Variants in DPH6 observed in about 807,000 individuals in gnomAD.
DPH6 encodes diphthamine biosynthesis 6, also known as diphthine--ammonia ligase.
In DPH6, 33 loss-of-function variants were observed where a neutral mutation model predicts 38.2. The observed-to-expected ratio is 0.86, with a 90% CI of 0.65 to 1.15. The LOEUF (loss-of-function observed/expected upper bound fraction) is 1.15. DPH6 is among the 50% of genes most tolerant of loss of function. DPH6 has a pLI of 0.00. For missense variants in DPH6, 325 were observed against 320.0 expected (o/e 1.02, Z -0.12); for synonymous variants, 108 against 103.0 (o/e 1.05, Z -0.30).
chr15:35,231,196 C>G (rs539054611), intron 3 of DPH6, among the ~76,000 whole-genome samples: 2 of 152,358 alleles, frequency 1.3e-5, no homozygotes, highest in South Asian at 4.1e-4. Context: ...TCAGTGGGAT[C>G]TGCAATTCCC....
intron 5 of DPH6, among the ~76,000 whole-genome samples, chr15:35,445,636 T>A (rs1322298855): frequency 6.6e-6 from 1 of 151,830 alleles, no homozygotes; most frequent in East Asian, 1.9e-4. Flanking sequence ...TATTTTATCA[T>A]TTACTACCAT....
chr15:35,347,138 C>T (rs567653921), intron 3 of DPH6, among the ~76,000 whole-genome samples: 1 of 152,218 alleles, frequency 6.6e-6, no homozygotes, highest in East Asian at 1.9e-4. Flanking sequence ...CCATTGAACT[C>T]TCCTTTTCCC....
intron 6 of DPH6, among the ~76,000 whole-genome samples, chr15:35,384,310 T>A (rs1176059326): frequency 6.6e-6 from 1 of 152,198 alleles, no homozygotes; most frequent in Non-Finnish European, 1.5e-5. Context: ...ATAATTTAAG[T>A]AAACAAAAAT....
intron 3 of DPH6, among the ~76,000 whole-genome samples, chr15:35,227,657 T>C (rs1343226360): frequency 6.6e-6 from 1 of 152,056 alleles, no homozygotes; most frequent in African/African-American, 2.4e-5. Flanking sequence ...TTTTTTTTCT[T>C]CTACTAAGTT....
intron 5 of DPH6, among the ~76,000 whole-genome samples, chr15:35,426,058 T>C (rs1177389728): frequency 2.6e-5 from 4 of 151,438 alleles, no homozygotes; most frequent in Non-Finnish European, 5.9e-5. Context: ...GTATTTGTAT[T>C]TGAAACTTAA....
intron 7 of DPH6, among the ~76,000 whole-genome samples, chr15:35,377,111 A>G (rs577851151): frequency 1.3e-5 from 2 of 152,334 alleles, no homozygotes; most frequent in African/African-American, 4.8e-5. Flanking sequence ...ATTTAAATAA[A>G]TTCTCAGATG....
intron 3 of DPH6, among the ~76,000 whole-genome samples, chr15:35,343,604 T>C (rs1303344632): frequency 2.6e-5 from 4 of 152,052 alleles, no homozygotes; most frequent in African/African-American, 9.7e-5. Context: ...AATGTGGCAA[T>C]GAATAGACTA....
intron 3 of DPH6, among the ~76,000 whole-genome samples, chr15:35,515,871 C>G (rs1237007989): frequency 6.6e-6 from 1 of 152,044 alleles, no homozygotes; most frequent in Non-Finnish European, 1.5e-5. Flanking sequence ...GCACTCCAGC[C>G]TGGACAACAA....
At chr15:35,373,646 C>G (rs374900471) in intron 7 of DPH6, 38 bp from the exon 8 acceptor site, 1 of 1,551,028 alleles carries the variant, frequency 6.4e-7, no homozygotes, top group East Asian at 2.3e-5. Flanking sequence ...TTATATGCTA[C>G]AAAAATTGTG....
chr15:35,233,714 C>A (rs539270714), intron 3 of DPH6, among the ~76,000 whole-genome samples: 4 of 152,272 alleles, frequency 2.6e-5, no homozygotes, highest in African/African-American at 9.6e-5. Context: ...GCACTATGTC[C>A]TCTCTGACTG....
At chr15:35,538,612 A>G (rs2055208037) in intron 2 of DPH6, 145 bp from the exon 3 acceptor site, 1 of 661,720 alleles carries the variant, frequency 1.5e-6, no homozygotes, top group African/African-American at 1.8e-5. Flanking sequence ...TATGTAGTAA[A>G]ATAAAAACAT....
chr15:35,541,785 T>C (rs539314156), intron 2 of DPH6, among the ~76,000 whole-genome samples: 1 of 152,214 alleles, frequency 6.6e-6, no homozygotes, highest in Non-Finnish European at 1.5e-5. Context: ...ATTTCTTTTT[T>C]CAAAAGCTAT....
chr15:35,307,490 C>G (rs984799104), intron 3 of DPH6, among the ~76,000 whole-genome samples: 2 of 152,046 alleles, frequency 1.3e-5, no homozygotes, highest in African/African-American at 4.8e-5. Flanking sequence ...TAAAAACAGT[C>G]CCGACCCTGT....
At chr15:35,393,754 C>T (rs548106859) in intron 6 of DPH6, among the ~76,000 whole-genome samples, 77 of 152,146 alleles carry the variant, frequency 5.1e-4, no homozygotes, top group African/African-American at 1.8e-3. Context: ...GCTGTTTTCT[C>T]GAATGTCAAG....
intron 1 of DPH6, 107 bp from the exon 2 acceptor site, chr15:35,542,614 A>G: frequency 9.5e-7 from 1 of 1,053,792 alleles, no homozygotes; most frequent in Non-Finnish European, 1.4e-6. Flanking sequence ...ACTCTTCAGA[A>G]TATATTACAA....
At chr15:35,447,036 T>C (rs972282112) in intron 5 of DPH6, among the ~76,000 whole-genome samples, 5 of 151,990 alleles carry the variant, frequency 3.3e-5, no homozygotes, top group African/African-American at 1.2e-4. Context: ...GCATGGCTAA[T>C]TTTTTTGTAT....
Position 35,365,718 on chromosome 15 carries a change from C to T in DPH6, n.207+7803G>A, listed in dbSNP as rs529042908. 26 of 900,206 alleles carry T rather than the reference C, an allele frequency of 2.9e-5. No homozygotes were observed. In the South Asian group the frequency reaches 8.7e-4, roughly 30 times the overall value. 55.8% of individuals were successfully genotyped at this position (900,206 alleles called of 1,614,324 possible). A position where few individuals can be genotyped will look rare whatever the true frequency, so the allele number is the denominator to read the frequency against. The stretch of plus-strand genomic sequence containing the variant: ...ATTCCCAACACAAATGATATCATCA[C>T]GGTATGGCGTTGCTACTACCAAAGT... On this transcript the variant is annotated intron_variant and non_coding_transcript_variant, in intron 3 of 3. Transcript: ENST00000558973.
At chr15:35,209,593 G>T in the DPH6 span, among the ~76,000 whole-genome samples, 1 of 152,118 alleles carries the variant, frequency 6.6e-6, no homozygotes, top group Admixed American at 6.6e-5. Context: ...TCCCTCACCA[G>T]AAAGTATAAT....
intron 3 of DPH6, among the ~76,000 whole-genome samples, chr15:35,534,136 G>C (rs528029431): frequency 3.3e-5 from 5 of 152,006 alleles, no homozygotes; most frequent in Non-Finnish European, 7.4e-5. Flanking sequence ...CCAACACTTA[G>C]GGAGGCCGAG....
Sources: gnomAD v4.1 joint callset for allele counts (sites outside exome capture counted in the v4.1 genomes callset) on GRCh38, gnomAD v4.1.1 for gene constraint, MANE v1.5 for transcripts, NCBI Gene and HGNC (gene_info 2026-07-23, HGNC 2026-07-21) for gene names.